Variants in LHFPL6 observed in about 807,000 individuals in gnomAD.
The protein encoded by LHFPL6 is LHFPL tetraspan subfamily member 6 protein.
A neutral mutation model predicts 20.6 loss-of-function variants in LHFPL6; 9 were observed. The ratio of observed to expected loss-of-function variants is 0.44; its 90% CI spans 0.26 to 0.76. LHFPL6 has a LOEUF of 0.76. LHFPL6 is among the 30% of genes least tolerant of loss of function. The pLI, the probability that LHFPL6 is intolerant of heterozygous loss-of-function variation, is 0.20. For missense variants in LHFPL6, 218 were observed against 253.5 expected, an observed-to-expected ratio of 0.86 and a Z score of 0.95; for synonymous variants, 105 against 98.7, an observed-to-expected ratio of 1.06 and a Z score of -0.38.
At chr13:39,492,916 G>A (rs1340081996) in intron 2 of LHFPL6, among the ~76,000 whole-genome samples, 1 of 151,946 alleles carries the variant, frequency 6.6e-6, no homozygotes, top group Non-Finnish European at 1.5e-5. Context: ...CCGACCTCAG[G>A]TGATCCTCCC....
intron 3 of LHFPL6, among the ~76,000 whole-genome samples, chr13:39,347,762 G>A (rs1028103451): frequency 1.3e-5 from 2 of 152,152 alleles, no homozygotes; most frequent in Non-Finnish European, 2.9e-5. Context: ...CACCTATGAG[G>A]GGGAATTAAT....
At chr13:39,560,540 C>T (rs754113225) in intron 2 of LHFPL6, among the ~76,000 whole-genome samples, 2 of 130,140 alleles carry the variant, frequency 1.5e-5, no homozygotes, top group African/African-American at 2.9e-5. Flanking sequence ...TTTGAGACGG[C>T]GTCTCCCTCT....
chr13:39,418,047 C>A (rs1871388438), intron 2 of LHFPL6, among the ~76,000 whole-genome samples: 1 of 152,090 alleles, frequency 6.6e-6, no homozygotes, highest in South Asian at 2.1e-4. Flanking sequence ...AAGATAAGCC[C>A]AAATTAAAAC....
At chr13:39,410,394 C>T (rs556731302) in intron 2 of LHFPL6, among the ~76,000 whole-genome samples, 49 of 152,248 alleles carry the variant, frequency 3.2e-4, no homozygotes, top group African/African-American at 1.0e-3. Flanking sequence ...AGATAGCAGC[C>T]CCCAAGCACA....
At position 39,582,649 on chromosome 13, in the gene LHFPL6, T is replaced by G. The variant is rs1051569852; in HGVS notation, c.385+18183A>C. 4.6e-5 allele frequency among the ~76,000 whole-genome samples: 7 copies of G among 152,272 alleles called. No individual in the cohort carries two copies. The East Asian group carries it at 1.2e-3, about 25-fold the overall frequency. ...ATGCTGAAAATTCAGGAGAAAGGATTCAGGGTCTGCAGCTGAGTTTGGCTA... is the reference window on the plus strand; with the variant it reads ...ATGCTGAAAATTCAGGAGAAAGGATGCAGGGTCTGCAGCTGAGTTTGGCTA... On this transcript the variant is annotated intron_variant, in intron 2 of 3. Coordinates refer to ENST00000379589, the MANE Select transcript of LHFPL6 (RefSeq NM_005780.3).
intron 2 of LHFPL6, among the ~76,000 whole-genome samples, chr13:39,416,349 T>C (rs1423387112): frequency 1.5e-5 from 2 of 135,918 alleles, no homozygotes; most frequent in East Asian, 2.0e-4. Context: ...GTTGAATGAA[T>C]GAACCTTAAT....
At chr13:39,431,871 AT>A (rs911851934) in intron 2 of LHFPL6, among the ~76,000 whole-genome samples, 56 of 149,348 alleles carry the variant, frequency 3.7e-4, no homozygotes, top group Non-Finnish European at 1.5e-4. Flanking sequence ...AATCCCTCCC[AT>A]TTTTTTTTCC....
intron 2 of LHFPL6, among the ~76,000 whole-genome samples, chr13:39,384,197 G>A (rs545193097): frequency 2.6e-5 from 4 of 152,234 alleles, no homozygotes; most frequent in South Asian, 2.1e-4. Flanking sequence ...AAATTATCTC[G>A]AAGCACAATT....
At chr13:39,393,562 A>G (rs1028041327) in intron 2 of LHFPL6, among the ~76,000 whole-genome samples, 1 of 152,178 alleles carries the variant, frequency 6.6e-6, no homozygotes, top group African/African-American at 2.4e-5. Flanking sequence ...AGAGCAAGTT[A>G]GAATTCAGGG....
At chr13:39,348,711 G>T (rs1391490918) in intron 3 of LHFPL6, among the ~76,000 whole-genome samples, 1 of 152,104 alleles carries the variant, frequency 6.6e-6, no homozygotes, top group Admixed American at 6.6e-5. Flanking sequence ...TTCTACCATT[G>T]TCAGAAGCTA....
intron 2 of LHFPL6, among the ~76,000 whole-genome samples, chr13:39,401,424 T>A (rs1483010540): frequency 1.3e-5 from 2 of 152,118 alleles, no homozygotes; most frequent in African/African-American, 4.8e-5. Context: ...GAGTCAACAG[T>A]GGGAAATGAT....
intron 3 of LHFPL6, among the ~76,000 whole-genome samples, chr13:39,370,342 G>A (rs1196726084): frequency 6.6e-6 from 1 of 152,186 alleles, no homozygotes; most frequent in Non-Finnish European, 1.5e-5. Flanking sequence ...AGAGCTCTGG[G>A]TGAGGAAATC....
intron 3 of LHFPL6, among the ~76,000 whole-genome samples, chr13:39,352,972 C>CACATATATATATATATAT (rs1555257725): frequency 5.4e-4 from 37 of 69,130 alleles, no homozygotes; most frequent in Non-Finnish European, 7.4e-4. Context: ...CACACACACA[C>CACATATATATATATATAT]ATATATATAT....
At position 39,562,191 on chromosome 13, in the gene LHFPL6, T is replaced by A. The variant is rs571532895; in HGVS notation, c.385+38641A>T. 2.1e-3 allele frequency among the ~76,000 whole-genome samples: 314 copies of A among 152,124 alleles called. 2 individuals carry two copies. Among genetic ancestry groups the A allele is most frequent in the African/African-American group, 6.8e-3 (283 of 41,488 alleles). On this transcript the variant is annotated intron_variant, in intron 2 of 3. Coordinates refer to ENST00000379589, the MANE Select transcript of LHFPL6 (RefSeq NM_005780.3). ...CCTTTCATTCCTCTAGGTAGGAATA[T>A]CTATCCAGCATGAATGGTGCATTGT...
intron 2 of LHFPL6, among the ~76,000 whole-genome samples, chr13:39,576,830 G>A (rs1872132168): frequency 6.6e-6 from 1 of 152,120 alleles, no homozygotes; most frequent in Non-Finnish European, 1.5e-5. Flanking sequence ...TAGAGACAAT[G>A]TCTCATTACG....
intron 2 of LHFPL6, among the ~76,000 whole-genome samples, chr13:39,548,358 T>C (rs1871042272): frequency 6.6e-6 from 1 of 152,074 alleles, no homozygotes; most frequent in Admixed American, 6.5e-5. Flanking sequence ...CAATAGATTC[T>C]AATTCAAATT....
chr13:39,575,658 G>T (rs1872091080), intron 2 of LHFPL6, among the ~76,000 whole-genome samples: 1 of 152,170 alleles, frequency 6.6e-6, no homozygotes, highest in Non-Finnish European at 1.5e-5. Context: ...CAAAGAACTG[G>T]GGTAGCAATT....
intron 2 of LHFPL6, among the ~76,000 whole-genome samples, chr13:39,453,962 G>A (rs1011312070): frequency 3.9e-5 from 6 of 152,162 alleles, no homozygotes; most frequent in African/African-American, 1.2e-4. Context: ...GAGTGTATAC[G>A]TGGACTTCCT....
chr13:39,457,948 C>A (rs1872608761), intron 2 of LHFPL6, among the ~76,000 whole-genome samples: 1 of 152,070 alleles, frequency 6.6e-6, no homozygotes. Flanking sequence ...ATCAGAAATC[C>A]AGATCCTAAA....
Sources: allele counts gnomAD v4.1 joint callset (sites outside exome capture counted in the v4.1 genomes callset), GRCh38; gene constraint gnomAD v4.1.1; transcripts MANE v1.5; gene names NCBI Gene and HGNC (gene_info 2026-07-23, HGNC 2026-07-21).